FOXN4: variants seen among roughly 807,000 people sequenced by gnomAD.
FOXN4 encodes forkhead box protein N4.
A neutral mutation model predicts 45.0 loss-of-function variants in FOXN4; 12 were observed. The observed-to-expected ratio is 0.27, with a 90% CI of 0.17 to 0.43. The LOEUF (loss-of-function observed/expected upper bound fraction) is 0.43. FOXN4 is among the 20% of genes least tolerant of loss of function. The pLI is 1.00. For missense variants in FOXN4, 560 were observed against 694.9 expected (o/e 0.81, Z 2.18); for synonymous variants, 297 against 295.0 (o/e 1.01, Z -0.07).
At chr12:109,285,029 G>C (rs1260546705) in intron 8 of FOXN4, among the ~76,000 whole-genome samples, 2 of 148,506 alleles carry the variant, frequency 1.3e-5, no homozygotes, top group African/African-American at 5.0e-5. Flanking sequence ...GTGCACAGGT[G>C]TGTGAGTGCA....
rs923486246 is a variant in FOXN4, at chr12:109,290,510, G to T, written c.87-224C>A. Among the ~76,000 whole-genome samples, 1 of 152,092 alleles carries T rather than the reference G, an allele frequency of 6.6e-6. No homozygotes were observed. The highest frequency in any genetic ancestry group is 6.6e-5 in the Admixed American group (1 of 15,262). ...TCATTCCTTCCTTAGCCCACTTAAC[G>T]CATCCTACTTAGCACCTACCACATA... On this transcript the variant is annotated intron_variant, in intron 2 of 9. Transcript: ENST00000299162. This position sits in a 1 kb window ranked among gnomAD's most constrained non-coding sequence, Gnocchi z 5.1.
intron 2 of FOXN4, among the ~76,000 whole-genome samples, chr12:109,293,965 G>C (rs2047793380): frequency 6.6e-6 from 1 of 152,184 alleles, no homozygotes; most frequent in African/African-American, 2.4e-5. Flanking sequence ...GCTGAGGCCA[G>C]CCCAGTAAAA....
chr12:109,296,608 G>A (rs1230731329), intron 2 of FOXN4, among the ~76,000 whole-genome samples: 1 of 152,192 alleles, frequency 6.6e-6, no homozygotes, highest in African/African-American at 2.4e-5. Context: ...TGGCAGGGAG[G>A]AGACCAGGAC....
intron 9 of FOXN4, 135 bp from the exon 10 acceptor site, chr12:109,280,065 G>A (rs558747344): frequency 1.6e-5 from 20 of 1,263,624 alleles, no homozygotes; most frequent in Admixed American, 4.4e-5. Context: ...GCATGGGGCC[G>A]GGCCTGGTGG....
rs1347199571 is a variant in FOXN4, at chr12:109,291,102, T to G, written c.87-816A>C. Among the ~76,000 whole-genome samples, 2 of 151,642 alleles carry G rather than the reference T, an allele frequency of 1.3e-5. No homozygotes were observed. Among genetic ancestry groups the G allele is most frequent in the Non-Finnish European group, 2.9e-5 (2 of 67,922 alleles). Reference sequence around the variant, plus strand: ...TCGACCCCTGGTGGTCCCAAGAGGCTCCAGTTAGGACCCACACCCACCAGC... The same window carrying G: ...TCGACCCCTGGTGGTCCCAAGAGGCGCCAGTTAGGACCCACACCCACCAGC... On this transcript the variant is annotated intron_variant, in intron 2 of 9. Coordinates refer to ENST00000299162, the MANE Select transcript of FOXN4 (RefSeq NM_213596.3). The surrounding 1 kb of genome is among the most constrained non-coding windows in gnomAD (Gnocchi z 6.6).
chr12:109,289,160 G>A (rs1204986678), intron 3 of FOXN4, among the ~76,000 whole-genome samples: 3 of 152,188 alleles, frequency 2.0e-5, no homozygotes, highest in East Asian at 3.8e-4. Flanking sequence ...CTGCAGATGT[G>A]GAAACCAGTC....
At position 109,288,476 on chromosome 12, in the gene FOXN4, CT is replaced by C. The variant is rs1247694944; in HGVS notation, c.233-297del. On this transcript the variant is annotated intron_variant, in intron 3 of 9. Coordinates refer to ENST00000299162, the MANE Select transcript of FOXN4 (RefSeq NM_213596.3). The surrounding 1 kb of genome is among the most constrained non-coding windows in gnomAD (Gnocchi z 4.3). ...TAATGTCTATCAAGTGCTTAGCACACTGCTGGGCACATGATAATATCTCAAT... is the reference window on the plus strand; with the variant it reads ...TAATGTCTATCAAGTGCTTAGCACACGCTGGGCACATGATAATATCTCAAT... Among the ~76,000 whole-genome samples, 1 of 152,222 alleles carries C rather than the reference CT, an allele frequency of 6.6e-6. No individual in the cohort carries two copies. Among genetic ancestry groups the C allele is most frequent in the Non-Finnish European group, 1.5e-5 (1 of 68,050 alleles).
chr12:109,297,233 C>T (rs1360146296), intron 2 of FOXN4, among the ~76,000 whole-genome samples: 3 of 152,268 alleles, frequency 2.0e-5, no homozygotes, highest in Admixed American at 2.0e-4. Context: ...TGAGCTCCAC[C>T]TCCTGTCAGA....
rs2047622081 is a variant in FOXN4 at position 109,278,093 on chromosome 12, TG to T, written c.*1577del. ...AGTTTCAACATCTTATCAGGGGTCATGTTACACAAAGCAGATGAGCAGTGCA... is the reference window on the plus strand; with the variant it reads ...AGTTTCAACATCTTATCAGGGGTCATTTACACAAAGCAGATGAGCAGTGCA... On this transcript the variant is annotated 3_prime_UTR_variant, in exon 10 of 10. Coordinates refer to ENST00000299162, the MANE Select transcript of FOXN4 (RefSeq NM_213596.3). 6.6e-6 allele frequency: 1 copy of T among 152,270 alleles called. No individual in the cohort carries two copies. The highest frequency in any genetic ancestry group is 1.5e-5 in the Non-Finnish European group (1 of 68,062). The allele number at this position is 152,270 out of a possible 1,614,324, so 9.4% of individuals were successfully genotyped here.
chr12:109,281,420 G>C lies in FOXN4; in HGVS notation c.1281C>G (p.Asp427Glu), dbSNP rs1565996726. 6.2e-7 allele frequency: 1 copy of C among 1,613,986 alleles called. No individual in the cohort carries two copies. Among genetic ancestry groups the C allele is most frequent in the Admixed American group, 1.7e-5 (1 of 60,030 alleles). The change falls in exon 9 of 10, where the codon GAC becomes GAG. Residue 427 changes from aspartate to glutamate, a missense_variant. Physicochemically the swap from Asp to Glu is conservative, Grantham distance 45. Around this residue, in one of 5 missense-constraint regions of FOXN4, gnomAD observed 315 missense variants for 350.5 expected, o/e 0.90. Transcript: ENST00000299162. ...EVDALDPSIM[D>E]FALQGNLWEE... Reference sequence around the variant, plus strand: ...CTCCAGCCTCACCCTGCAGAGCGAAGTCCATGATGCTCGGGTCGAGGGCAT... The same window carrying C: ...CTCCAGCCTCACCCTGCAGAGCGAACTCCATGATGCTCGGGTCGAGGGCAT...
At chr12:109,286,096 AC>A (rs1484851215) in intron 7 of FOXN4, among the ~76,000 whole-genome samples, 1 of 152,176 alleles carries the variant, frequency 6.6e-6, no homozygotes, top group East Asian at 1.9e-4. Context: ...GTGTGCACAC[AC>A]ACTGTACTGC....
rs897998565 is a variant in FOXN4 at position 109,279,420 on chromosome 12, G to A, written c.*251C>T. On this transcript the variant is annotated 3_prime_UTR_variant, in exon 10 of 10. Coordinates refer to ENST00000299162, the MANE Select transcript of FOXN4 (RefSeq NM_213596.3). ...TCAAGGGGTCGGGGGATGCTGGGTT[G>A]CTTGTCCACCTTCCTCCATTCTTCT... 14 of 574,846 alleles carry A rather than the reference G, an allele frequency of 2.4e-5. No individual in the cohort carries two copies. The highest frequency in any genetic ancestry group is 4.7e-4 in the Middle Eastern group (1 of 2,148). 35.6% of individuals were successfully genotyped at this position (574,846 alleles called of 1,614,324 possible). A position where few individuals can be genotyped will look rare whatever the true frequency, so the allele number is the denominator to read the frequency against.
intron 2 of FOXN4, 26 bp downstream of exon 2, chr12:109,308,210 T>G (rs747041858): frequency 6.6e-7 from 1 of 1,512,596 alleles, no homozygotes; most frequent in Admixed American, 2.1e-5. Context: ...AAAAAATATA[T>G]AGTTTGTTAT....
chr12:109,308,394 T>C lies in FOXN4; in HGVS notation c.-3-70A>G, dbSNP rs79723121. 114 of 1,033,560 alleles carry C rather than the reference T, an allele frequency of 1.1e-4. No homozygotes were observed. In the East Asian group the frequency reaches 3.0e-3, roughly 28 times the overall value. 64.0% of individuals were successfully genotyped at this position (1,033,560 alleles called of 1,614,324 possible). A position where few individuals can be genotyped will look rare whatever the true frequency, so the allele number is the denominator to read the frequency against. ...TATGGACAGGGCAGAAACCCACAGT[T>C]TTCCCGCAATTCAGAAAGATGGAGC... is the stretch of plus-strand genomic sequence containing the variant. On this transcript the variant is annotated intron_variant, in intron 1 of 9. Coordinates refer to ENST00000299162, the MANE Select transcript of FOXN4 (RefSeq NM_213596.3).
At chr12:109,280,554 T>C (rs2047643403) in intron 9 of FOXN4, among the ~76,000 whole-genome samples, 1 of 152,186 alleles carries the variant, frequency 6.6e-6, no homozygotes, top group Admixed American at 6.5e-5. Flanking sequence ...GGTATCATTA[T>C]GGTCAAAGCC....
In FOXN4 at chr12:109,287,452, G is replaced by A; in HGVS notation, c.541C>T (p.His181Tyr). The A allele has an allele frequency of 1.3e-6, 2 of 1,551,398 alleles. No individual in the cohort carries two copies. Among genetic ancestry groups the A allele is most frequent in the Admixed American group, 2.0e-5 (1 of 50,932 alleles). ...TTGGGGTGCAGTTCTTGAGATGAAT[G>A]CACAGCCACGTGGGGCTGGGGGTAG... ...PPYPQPHVAV[H>Y]SSQELHPKHY... Residue 181 changes from histidine (H) to tyrosine (Y), a missense_variant, in exon 6 of 10, where the codon CAT becomes TAT. Coordinates refer to ENST00000299162, the MANE Select transcript of FOXN4 (RefSeq NM_213596.3). This position sits in a 1 kb window ranked among gnomAD's most constrained non-coding sequence, Gnocchi z 4.1.
intron 8 of FOXN4, among the ~76,000 whole-genome samples, chr12:109,284,575 G>A (rs1037986842): frequency 6.6e-6 from 1 of 150,680 alleles, no homozygotes. Context: ...GTGCGTGCGT[G>A]TGTGTGTGCG....
intron 8 of FOXN4, among the ~76,000 whole-genome samples, chr12:109,284,887 T>C (rs10774642): frequency 0.68 from 101,234 of 148,146 alleles, 34,683 homozygotes; most frequent in South Asian, 0.79. Flanking sequence ...TGTGCACGCA[T>C]GTGTGTATTG....
chr12:109,293,059 C>T (rs542108017), intron 2 of FOXN4, among the ~76,000 whole-genome samples: 56 of 152,244 alleles, frequency 3.7e-4, no homozygotes, highest in African/African-American at 1.2e-3. Flanking sequence ...TTGCATTTGC[C>T]GTTCCCCTTG....
Sources: gnomAD v4.1 joint callset for allele counts (sites outside exome capture counted in the v4.1 genomes callset) on GRCh38, gnomAD v4.1.1 for gene constraint, gnomAD v4.1.1 regional missense constraint, Gnocchi (gnomAD v3.1) non-coding constraint, MANE v1.5 for transcripts, NCBI Gene and HGNC (gene_info 2026-07-23, HGNC 2026-07-21) for gene names.